RETN: variants seen among roughly 807,000 people sequenced by gnomAD.
RETN encodes C/EBP-epsilon regulated myeloid-specific secreted cysteine-rich protein precursor 1.
In RETN, 5 loss-of-function variants were observed where a neutral mutation model predicts 6.1. That is an observed-to-expected ratio of 0.82 (90% CI 0.43 to 1.73). The LOEUF (loss-of-function observed/expected upper bound fraction) is 1.73. Among genes scored for constraint, RETN ranks in the 40% most tolerant of loss-of-function variants. The pLI, the probability that RETN is intolerant of heterozygous loss-of-function variation, is 0.02. For missense variants in RETN, 168 were observed against 142.5 expected, an observed-to-expected ratio of 1.18 and a Z score of -0.91; for synonymous variants, 62 against 59.2, an observed-to-expected ratio of 1.05 and a Z score of -0.22.
At position 7,670,422 on chromosome 19, in the gene RETN, A is replaced by G. The variant is rs1599418755; in HGVS notation, c.*73A>G. 12 of 1,442,028 alleles carry G rather than the reference A, an allele frequency of 8.3e-6. No homozygotes were observed. The East Asian group carries it at 2.8e-4, about 34-fold the overall frequency. The allele number at this position is 1,442,028 out of a possible 1,614,324, so 89.3% of individuals were successfully genotyped here. On this transcript the variant is annotated 3_prime_UTR_variant, in exon 4 of 4. Transcript: ENST00000221515. ...CGGAGGGGTTGCGGGGGAGCTGGAA[A>G]TAAACCTGGAGATGATGATGATGAT...
In RETN at chr19:7,669,828, G is replaced by A. The variant is rs2032463462; in HGVS notation, c.126G>A (p.Arg42=). 3.7e-6 allele frequency: 6 copies of A among 1,614,054 alleles called. 1 individual carries two copies. Among genetic ancestry groups the A allele is most frequent in the South Asian group, 2.2e-5 (2 of 91,076 alleles). Reference sequence around the variant, plus strand: ...TTTCCTCCTGCCCCCCAGTATTTAGGGCAATAAGCAGCATTGGCCTGGAGT... The same window carrying A: ...TTTCCTCCTGCCCCCCAGTATTTAGAGCAATAAGCAGCATTGGCCTGGAGT... The part of the protein sequence containing the change: ...IQEVAGSLIF[R]AISSIGLECQ... The change falls in exon 3 of 4, where the codon AGG becomes AGA. Residue 42 remains arginine (R), a synonymous_variant. Transcript: ENST00000221515.
At position 7,669,413 on chromosome 19, in the gene RETN, T is replaced by A; in HGVS notation, c.87T>A (p.Asn29Lys). 1 of 1,614,000 alleles carries A rather than the reference T, an allele frequency of 6.2e-7. No individual in the cohort carries two copies. The highest frequency in any genetic ancestry group is 8.5e-7 in the Non-Finnish European group (1 of 1,179,954). ...KTLCSMEEAINERIQEVAGSL... is the reference protein window; with the variant it reads ...KTLCSMEEAIKERIQEVAGSL... The stretch of plus-strand genomic sequence containing the variant: ...TGTGCTCCATGGAAGAAGCCATCAA[T>A]GAGAGGATCCAGGAGGTCGCCGGCT... Residue 29 changes from asparagine to lysine, a missense_variant, in exon 2 of 4, where the codon AAT becomes AAA. Transcript: ENST00000221515.
intron 2 of RETN, among the ~76,000 whole-genome samples, 153 bp from the exon 3 acceptor site, chr19:7,669,668 C>G (rs1236247174): frequency 6.6e-6 from 1 of 152,174 alleles, no homozygotes; most frequent in Non-Finnish European, 1.5e-5. Flanking sequence ...CCTTCCCTTA[C>G]TCCAAAACAC....
At position 7,670,301 on chromosome 19, in the gene RETN, C is replaced by T. The variant is rs780381988; in HGVS notation, c.279C>T (p.Cys93=). The T allele has an allele frequency of 1.0e-5, 16 of 1,587,706 alleles. No homozygotes were observed. The African/African-American group carries it at 1.7e-4, about 17-fold the overall frequency. The change falls in exon 4 of 4, where the codon TGC becomes TGT. Residue 93 remains cysteine (C), a synonymous_variant. Transcript: ENST00000221515. ...VRAETTCHCQ[C]AGMDWTGARC... ...CCGAGACCACATGTCACTGCCAGTG[C>T]GCGGGCATGGACTGGACCGGAGCGC...
rs1259084125 is a variant in RETN at position 7,669,094 on chromosome 19, G to T, written c.-38G>T. 5 of 511,644 alleles carry T rather than the reference G, an allele frequency of 9.8e-6. No homozygotes were observed. In the African/African-American group the frequency reaches 1.0e-4, roughly 11 times the overall value. 31.7% of individuals were successfully genotyped at this position (511,644 alleles called of 1,614,324 possible). On this transcript the variant is annotated 5_prime_UTR_variant, in exon 1 of 4. Coordinates refer to ENST00000221515, the MANE Select transcript of RETN (RefSeq NM_020415.4). ...CTGCGGTGCAGGAATTCGTGTGCCG[G>T]ATTTGGTTAGCTGAGCCCACCGAGA...
intron 3 of RETN, 54 bp downstream of exon 3, chr19:7,669,952 G>A (rs1469923962): frequency 2.2e-6 from 3 of 1,359,400 alleles, no homozygotes; most frequent in African/African-American, 2.8e-5. Context: ...AGTCCCCTGG[G>A]AATGCCCCCT....
chr19:7,669,956 G>A, intron 3 of RETN, 58 bp downstream of exon 3: 2 of 1,311,370 alleles, frequency 1.5e-6, no homozygotes, highest in South Asian at 1.2e-5. Flanking sequence ...CCCTGGGAAT[G>A]CCCCCTCCCC....
At position 7,669,392 on chromosome 19, in the gene RETN, C is replaced by T; in HGVS notation, c.66C>T (p.Cys22=). Residue 22 remains cysteine (C), a synonymous_variant, in exon 2 of 4, where the codon TGC becomes TGT. Transcript: ENST00000221515. ...LGLLVSSKTL[C]SMEEAINERI... Reference sequence around the variant, plus strand: ...TGTTGGTGTCTAGCAAGACCCTGTGCTCCATGGAAGAAGCCATCAATGAGA... The same window carrying T: ...TGTTGGTGTCTAGCAAGACCCTGTGTTCCATGGAAGAAGCCATCAATGAGA... 6.2e-7 allele frequency: 1 copy of T among 1,614,036 alleles called. No individual in the cohort carries two copies. The highest frequency in any genetic ancestry group is 8.5e-7 in the Non-Finnish European group (1 of 1,179,988).
At chr19:7,669,475 AAGGGTCTC>A (rs1374932541) in intron 2 of RETN, 31 bp downstream of exon 2, 1 of 1,511,186 alleles carries the variant, frequency 6.6e-7, no homozygotes, top group Non-Finnish European at 9.2e-7. Flanking sequence ...CAAGCTCCCC[AAGGGTCTC>A]AGAGACCTCA....
In RETN at chr19:7,670,427, C is replaced by A; in HGVS notation, c.*78C>A. The A allele has an allele frequency of 1.5e-6, 2 of 1,359,642 alleles. No homozygotes were observed. Among genetic ancestry groups the A allele is most frequent in the Non-Finnish European group, 9.7e-7 (1 of 1,028,870 alleles). The allele number at this position is 1,359,642 out of a possible 1,614,324, so 84.2% of individuals were successfully genotyped here. On this transcript the variant is annotated 3_prime_UTR_variant, in exon 4 of 4. Coordinates refer to ENST00000221515, the MANE Select transcript of RETN (RefSeq NM_020415.4). The stretch of plus-strand genomic sequence containing the variant: ...GGGTTGCGGGGGAGCTGGAAATAAA[C>A]CTGGAGATGATGATGATGATGATGA...
In RETN at chr19:7,670,226, C is replaced by A. The variant is rs1322416281; in HGVS notation, c.204C>A (p.Ala68=). 1 of 1,603,732 alleles carries A rather than the reference C, an allele frequency of 6.2e-7. No homozygotes were observed. The highest frequency in any genetic ancestry group is 2.2e-5 in the East Asian group (1 of 44,748). Residue 68 remains alanine (A), a synonymous_variant, in exon 4 of 4, where the codon GCC becomes GCA. Coordinates refer to ENST00000221515, the MANE Select transcript of RETN (RefSeq NM_020415.4). The stretch of plus-strand genomic sequence containing the variant: ...CTGTGTTCCGGGCTGCAGGCTTCGC[C>A]GTCACCGGCTGCACTTGTGGCTCCG... The part of the protein sequence containing the change: ...GDLATCPRGF[A]VTGCTCGSAC...
At position 7,670,388 on chromosome 19, in the gene RETN, C is replaced by T. The variant is rs1568478736; in HGVS notation, c.*39C>T. On this transcript the variant is annotated 3_prime_UTR_variant, in exon 4 of 4. Coordinates refer to ENST00000221515, the MANE Select transcript of RETN (RefSeq NM_020415.4). ...GCGTGCACAGCGCGGGCGGAGGCGG[C>T]TCCAGGTCCGGAGGGGTTGCGGGGG... The T allele has an allele frequency of 1.3e-6, 2 of 1,529,454 alleles. No individual in the cohort carries two copies. Among genetic ancestry groups the T allele is most frequent in the East Asian group, 2.4e-5 (1 of 40,842 alleles). The allele number at this position is 1,529,454 out of a possible 1,614,324, so 94.7% of individuals were successfully genotyped here. A position where few individuals can be genotyped will look rare whatever the true frequency, so the allele number is the denominator to read the frequency against.
At position 7,670,333 on chromosome 19, in the gene RETN, G is replaced by A. The variant is rs891939673; in HGVS notation, c.311G>A (p.Cys104Tyr). 1.3e-6 allele frequency: 2 copies of A among 1,559,110 alleles called. No individual in the cohort carries two copies. Among genetic ancestry groups the A allele is most frequent in the African/African-American group, 2.7e-5 (2 of 73,888 alleles). Residue 104 changes from cysteine (C) to tyrosine (Y), a missense_variant, in exon 4 of 4, where the codon TGT becomes TAT. Coordinates refer to ENST00000221515, the MANE Select transcript of RETN (RefSeq NM_020415.4). The part of the protein sequence containing the change: ...AGMDWTGARC[C>Y]RVQP ...ATGGACTGGACCGGAGCGCGCTGCT[G>A]TCGTGTGCAGCCCTGAGGTCGCGCG...
chr19:7,670,108 C>T (rs2032471714), intron 3 of RETN, 111 bp from the exon 4 acceptor site: 4 of 584,186 alleles, frequency 6.8e-6, no homozygotes, highest in Non-Finnish European at 1.2e-5. Context: ...CTCCAGCCGT[C>T]CCCGTCCCCA....
rs139153129 is a variant in RETN at position 7,669,837 on chromosome 19, C to G, written c.135C>G (p.Ser45Arg). 23 of 1,614,124 alleles carry G rather than the reference C, an allele frequency of 1.4e-5. No homozygotes were observed. Among genetic ancestry groups the G allele is most frequent in the Non-Finnish European group, 1.9e-5 (22 of 1,179,992 alleles). Residue 45 changes from serine to arginine, a missense_variant, in exon 3 of 4, where the codon AGC becomes AGG. Coordinates refer to ENST00000221515, the MANE Select transcript of RETN (RefSeq NM_020415.4). ...GCCCCCCAGTATTTAGGGCAATAAG[C>G]AGCATTGGCCTGGAGTGCCAGAGCG... is the stretch of plus-strand genomic sequence containing the variant. Reference protein sequence around the residue: ...VAGSLIFRAISSIGLECQSVT... With the variant: ...VAGSLIFRAIRSIGLECQSVT...
rs774563162 is a variant in RETN at position 7,669,324 on chromosome 19, A to G, written c.-3A>G. 1 of 1,609,402 alleles carries G rather than the reference A, an allele frequency of 6.2e-7. No homozygotes were observed. Among genetic ancestry groups the G allele is most frequent in the South Asian group, 1.1e-5 (1 of 90,978 alleles). ...CTTGGTTCCCTCTTTCAGCGCCTGC[A>G]GGATGAAAGCTCTCTGTCTCCTCCT... is the stretch of plus-strand genomic sequence containing the variant. On this transcript the variant is annotated 5_prime_UTR_variant, in exon 2 of 4. Transcript: ENST00000221515.
intron 1 of RETN, 57 bp from the exon 2 acceptor site, chr19:7,669,260 A>G: frequency 8.0e-7 from 1 of 1,254,876 alleles, no homozygotes; most frequent in East Asian, 2.3e-5. Flanking sequence ...CATGGGCCGG[A>G]TCTTCCCCAC....
At chr19:7,669,641 C>T (rs1030301853) in intron 2 of RETN, among the ~76,000 whole-genome samples, 180 bp from the exon 3 acceptor site, 1 of 152,136 alleles carries the variant, frequency 6.6e-6, no homozygotes, top group Non-Finnish European at 1.5e-5. Flanking sequence ...AAACCCAATC[C>T]CCGCTCTCAC....
chr19:7,670,142 C>T (rs1307734563), intron 3 of RETN, 77 bp from the exon 4 acceptor site: 34 of 565,168 alleles, frequency 6.0e-5, no homozygotes, highest in African/African-American at 9.7e-5. Flanking sequence ...AACCCCCCTC[C>T]GCGCTCCCCA....
Sources: allele counts gnomAD v4.1 joint callset (sites outside exome capture counted in the v4.1 genomes callset), GRCh38; gene constraint gnomAD v4.1.1; transcripts MANE v1.5; gene names NCBI Gene and HGNC (gene_info 2026-07-23, HGNC 2026-07-21).